NAV3: variants seen among roughly 807,000 people sequenced by gnomAD.
The protein encoded by NAV3 is neuron navigator 3.
A neutral mutation model predicts 244.7 loss-of-function variants in NAV3; 87 were observed. That is an observed-to-expected ratio of 0.36 (90% CI 0.30 to 0.42). The LOEUF is 0.42. Ranked by LOEUF, NAV3 falls within the 20% of genes least tolerant of loss-of-function variation. NAV3 has a pLI of 1.00. For missense variants in NAV3, 2,663 were observed against 2,893.3 expected (o/e 0.92, Z 1.83); for synonymous variants, 1,126 against 1,042.2 (o/e 1.08, Z -1.55).
chr12:78,097,349 A>G (rs1668587450), intron 12 of NAV3, among the ~76,000 whole-genome samples: 2 of 152,178 alleles, frequency 1.3e-5, no homozygotes, highest in South Asian at 4.1e-4. Flanking sequence ...TTGTGCTAGA[A>G]AATATAAATG....
chr12:78,040,009 G>GT (rs1163774029), intron 9 of NAV3, among the ~76,000 whole-genome samples: 1 of 152,040 alleles, frequency 6.6e-6, no homozygotes, highest in Non-Finnish European at 1.5e-5. Context: ...CATTTTTCTG[G>GT]TAACTTGTAT....
chr12:77,644,882 T>C (rs1284195010), intron 2 of NAV3, among the ~76,000 whole-genome samples: 2 of 152,114 alleles, frequency 1.3e-5, no homozygotes, highest in African/African-American at 4.8e-5. Context: ...ACCAAAATTT[T>C]AAGTCAAAGG....
rs2139650326 is a variant in NAV3, at chr12:78,175,389, A to G, written c.5065A>G (p.Asn1689Asp). ...AAGCCATTCCAGTATTGGCAGTGGT[A>G]ATGATGCCGACTCCAAGAAGAAGAA... ...ATSHSSIGSG[N>D]DADSKKKKKK... The change falls in exon 25 of 40, where the codon AAT (asparagine) becomes GAT (aspartate). Residue 1689 changes from asparagine to aspartate, a missense_variant. Asn to Asp is a conservative substitution (Grantham distance 23, BLOSUM62 1). Transcript: ENST00000397909. 2.5e-6 allele frequency: 4 copies of G among 1,611,558 alleles called. No homozygotes were observed. In the South Asian group the frequency reaches 4.4e-5, roughly 18 times the overall value.
intron 2 of NAV3, among the ~76,000 whole-genome samples, chr12:77,608,290 T>A (rs1345734518): frequency 6.6e-6 from 1 of 152,114 alleles, no homozygotes; most frequent in Non-Finnish European, 1.5e-5. Context: ...AGGAAAGATG[T>A]GCAATCTCAT....
chr12:78,179,491 T>C, intron 28 of NAV3, 38 bp from the exon 29 acceptor site: 1 of 1,611,736 alleles, frequency 6.2e-7, no homozygotes, highest in Non-Finnish European at 8.5e-7. Context: ...ATCCTCTGGC[T>C]TCCCCAGGCC....
At chr12:78,138,845 C>T (rs547449941) in intron 19 of NAV3, among the ~76,000 whole-genome samples, 4 of 152,250 alleles carry the variant, frequency 2.6e-5, no homozygotes, top group East Asian at 1.9e-4. Flanking sequence ...TTTTTGTGCT[C>T]ACGCATTGAA....
chr12:78,157,603 G>A (rs1957358438), intron 22 of NAV3, among the ~76,000 whole-genome samples: 2 of 152,004 alleles, frequency 1.3e-5, no homozygotes, highest in South Asian at 4.1e-4. Flanking sequence ...AGGAAAAAAT[G>A]AGCATAGCCT....
intron 14 of NAV3, 24 bp from the exon 15 acceptor site, chr12:78,119,213 A>G (rs959511216): frequency 1.3e-6 from 2 of 1,593,318 alleles, no homozygotes; most frequent in African/African-American, 1.4e-5. Flanking sequence ...AGGCACATAT[A>G]TTTGTGTATT....
At chr12:77,855,352 A>T (rs1308869000) in intron 1 of NAV3, among the ~76,000 whole-genome samples, 1 of 152,050 alleles carries the variant, frequency 6.6e-6, no homozygotes, top group Admixed American at 6.6e-5. Flanking sequence ...AGCTTTTGTT[A>T]TTTTTTTGGC....
intron 1 of NAV3, among the ~76,000 whole-genome samples, chr12:77,845,007 T>C (rs1006361495): frequency 1.3e-5 from 2 of 152,240 alleles, no homozygotes; most frequent in Non-Finnish European, 2.9e-5. Flanking sequence ...CCTATCATTT[T>C]TGGAAGCAAA....
chr12:77,912,381 T>C (rs563729435), intron 1 of NAV3, among the ~76,000 whole-genome samples: 4 of 152,184 alleles, frequency 2.6e-5, no homozygotes, highest in African/African-American at 9.6e-5. Flanking sequence ...CAAAATATGG[T>C]ATTCCTTTGA....
At chr12:77,675,736 C>A (rs1874176252) in intron 2 of NAV3, among the ~76,000 whole-genome samples, 1 of 152,146 alleles carries the variant, frequency 6.6e-6, no homozygotes, top group African/African-American at 2.4e-5. Flanking sequence ...GTGATGGTGT[C>A]CAGTTGTCAG....
rs536115053 is a variant in NAV3 at position 77,608,845 on chromosome 12, C to T, written c.72+36579C>T. ...ACTGGGAGTCAGAGAGTCTGGCTTT[C>T]GTTTAGCTTTTTCTCCAGGCATTTG... On this transcript the variant is annotated intron_variant, in intron 2 of 8. Coordinates refer to the NAV3 transcript ENST00000550042. Among the ~76,000 whole-genome samples the T allele has an allele frequency of 9.2e-5, 14 of 152,126 alleles. No individual in the cohort carries two copies. In the East Asian group the frequency reaches 1.2e-3, roughly 13 times the overall value.
intron 2 of NAV3, among the ~76,000 whole-genome samples, chr12:77,773,661 A>G (rs1396927997): frequency 1.3e-5 from 2 of 152,182 alleles, no homozygotes; most frequent in Non-Finnish European, 1.5e-5. Flanking sequence ...GCAAAAAAAG[A>G]ATGCTATTGA....
At chr12:78,101,051 T>C (rs1226391096) in intron 12 of NAV3, among the ~76,000 whole-genome samples, 1 of 152,190 alleles carries the variant, frequency 6.6e-6, no homozygotes, top group Non-Finnish European at 1.5e-5. Flanking sequence ...TGTAATAATT[T>C]GCAATTTGGA....
chr12:77,692,811 G>A (rs1047516437), intron 2 of NAV3, among the ~76,000 whole-genome samples: 1 of 152,048 alleles, frequency 6.6e-6, no homozygotes, highest in Non-Finnish European at 1.5e-5. Flanking sequence ...AGTCCATTGA[G>A]AGAAAAAGAT....
At chr12:78,027,932 A>C (rs1878347595) in intron 9 of NAV3, among the ~76,000 whole-genome samples, 1 of 151,408 alleles carries the variant, frequency 6.6e-6, no homozygotes, top group Non-Finnish European at 1.5e-5. Flanking sequence ...GTGATAAGAA[A>C]AAAAGGAAGC....
In NAV3 at chr12:77,653,486, C is replaced by T. The variant is rs576227578; in HGVS notation, c.72+81220C>T. 1.5e-4 allele frequency among the ~76,000 whole-genome samples: 23 copies of T among 152,260 alleles called. No individual in the cohort carries two copies. In the South Asian group the frequency reaches 4.8e-3, roughly 32 times the overall value. On this transcript the variant is annotated intron_variant, in intron 2 of 8. Transcript: ENST00000550042. The stretch of plus-strand genomic sequence containing the variant: ...CTTTTTGACTTCAGAAAGGGAAGTT[C>T]ATAGTTCTAATTGGATTTGAAAATC...
intron 25 of NAV3, among the ~76,000 whole-genome samples, chr12:78,175,905 A>G (rs1056477129): frequency 3.4e-5 from 5 of 148,808 alleles, no homozygotes; most frequent in Admixed American, 2.0e-4. Flanking sequence ...GGTGATGATG[A>G]TGGTGATAGT....
Sources: allele counts gnomAD v4.1 joint callset (sites outside exome capture counted in the v4.1 genomes callset), GRCh38; gene constraint gnomAD v4.1.1; transcripts MANE v1.5; gene names NCBI Gene and HGNC (gene_info 2026-07-23, HGNC 2026-07-21).